Variants in VANGL1 observed in about 807,000 individuals in gnomAD.
The protein encoded by VANGL1 is vang-like protein 1.
VANGL1 carries 18 observed loss-of-function variants against 48.4 expected under a neutral mutation model. That is an observed-to-expected ratio of 0.37 (90% CI 0.26 to 0.55). VANGL1 has a LOEUF of 0.55. Among genes scored for constraint, VANGL1 ranks in the 20% least tolerant of loss-of-function variants. The pLI, the probability that VANGL1 is intolerant of heterozygous loss-of-function variation, is 0.81. For synonymous variants in VANGL1, 257 were observed against 261.8 expected, an observed-to-expected ratio of 0.98 and a Z score of 0.18; for missense variants, 667 against 675.8, an observed-to-expected ratio of 0.99 and a Z score of 0.14.
chr1:115,650,513 A>T (rs1263285259), intron 1 of VANGL1, among the ~76,000 whole-genome samples: 1 of 152,186 alleles, frequency 6.6e-6, no homozygotes, highest in Non-Finnish European at 1.5e-5. Context: ...CCTTTTAAAA[A>T]TCTTTGTCCT....
chr1:115,646,493 C>CT (rs34575210), intron 1 of VANGL1, among the ~76,000 whole-genome samples: 21,369 of 128,574 alleles, frequency 0.17, 2,279 homozygotes, highest in South Asian at 0.32. Flanking sequence ...AGTAGTATAG[C>CT]TTTTTTTTTT....
At chr1:115,650,698 G>A (rs1320720252) in intron 1 of VANGL1, among the ~76,000 whole-genome samples, 3 of 151,832 alleles carry the variant, frequency 2.0e-5, no homozygotes, top group East Asian at 3.9e-4. Context: ...ACCTATTCCT[G>A]TATTCTGGGG....
chr1:115,680,533 G>A (rs547322735), intron 4 of VANGL1, among the ~76,000 whole-genome samples: 3 of 152,294 alleles, frequency 2.0e-5, no homozygotes, highest in East Asian at 1.9e-4. Flanking sequence ...TGGTCTCACC[G>A]GATTTCCCCT....
intron 4 of VANGL1, among the ~76,000 whole-genome samples, chr1:115,680,760 ATAGTT>A (rs10607718): frequency 0.36 from 55,072 of 151,714 alleles, 10,030 homozygotes; most frequent in Admixed American, 0.41. Context: ...TTTCCAGTGG[ATAGTT>A]TAGGAGCTCC....
intron 4 of VANGL1, among the ~76,000 whole-genome samples, chr1:115,681,277 A>G (rs1489682953): frequency 6.6e-6 from 1 of 152,106 alleles, no homozygotes; most frequent in African/African-American, 2.4e-5. Flanking sequence ...CTCATTTCCA[A>G]TTATAAGTAC....
intron 2 of VANGL1, among the ~76,000 whole-genome samples, chr1:115,656,136 G>C (rs754807415): frequency 2.0e-5 from 3 of 152,252 alleles, no homozygotes; most frequent in Non-Finnish European, 4.4e-5. Flanking sequence ...TCACTTGACA[G>C]TGGGTGGAAG....
At chr1:115,676,967 A>G (rs1374537876) in intron 4 of VANGL1, among the ~76,000 whole-genome samples, 1 of 152,174 alleles carries the variant, frequency 6.6e-6, no homozygotes, top group Non-Finnish European at 1.5e-5. Context: ...AGAAGTGACT[A>G]ATTTGTTCAA....
Position 115,691,570 on chromosome 1 carries a change from A to G in VANGL1, c.*191A>G, listed in dbSNP as rs982264138. 2 of 627,674 alleles carry G rather than the reference A, an allele frequency of 3.2e-6. No homozygotes were observed. The highest frequency in any genetic ancestry group is 5.2e-6 in the Non-Finnish European group (2 of 384,150). The allele number at this position is 627,674 out of a possible 1,614,324, so 38.9% of individuals were successfully genotyped here. A position where few individuals can be genotyped will look rare whatever the true frequency, so the allele number is the denominator to read the frequency against. On this transcript the variant is annotated 3_prime_UTR_variant, in exon 8 of 8. Coordinates refer to ENST00000355485, the MANE Select transcript of VANGL1 (RefSeq NM_138959.3). ...GCAGGGGCTGTCCACCCTGAAAAAG[A>G]GTGACTGATGACATCTGACTTTTGT...
intron 1 of VANGL1, among the ~76,000 whole-genome samples, chr1:115,648,756 G>A (rs767616815): frequency 6.6e-6 from 1 of 152,234 alleles, no homozygotes; most frequent in Non-Finnish European, 1.5e-5. Context: ...GAAGCACCAA[G>A]CTGGATCTGC....
At chr1:115,649,799 G>A (rs1363266171) in intron 1 of VANGL1, among the ~76,000 whole-genome samples, 3 of 152,340 alleles carry the variant, frequency 2.0e-5, no homozygotes, top group South Asian at 2.1e-4. Flanking sequence ...GAGGTCGGTG[G>A]CTGGTTGGTT....
Position 115,663,893 on chromosome 1 carries a change from G to T in VANGL1, c.437G>T (p.Gly146Val). 1.9e-6 allele frequency: 3 copies of T among 1,614,204 alleles called. No individual in the cohort carries two copies. The highest frequency in any genetic ancestry group is 2.5e-6 in the Non-Finnish European group (3 of 1,180,034). Residue 146 changes from glycine to valine, a missense_variant, in exon 4 of 8, where the codon GGC becomes GTC. By Grantham distance (109) the Gly-to-Val change is moderately radical (BLOSUM62 -3). Transcript: ENST00000355485. ...TGGAGGGATGAGCTGGAGCCTTGTG[G>T]CACAATTTGTGAGGGGCTCTTTATC... ...ILWRDELEPC[G>V]TICEGLFISM...
chr1:115,667,332 C>T (rs929188386), intron 4 of VANGL1, among the ~76,000 whole-genome samples: 2 of 152,154 alleles, frequency 1.3e-5, no homozygotes, highest in Admixed American at 6.5e-5. Flanking sequence ...TGCTTGTTGG[C>T]AGGAATGAAG....
intron 7 of VANGL1, among the ~76,000 whole-genome samples, chr1:115,686,559 AGAGAAGT>A (rs1442646919): frequency 1.3e-5 from 2 of 152,126 alleles, no homozygotes; most frequent in Non-Finnish European, 2.9e-5. Flanking sequence ...ACTTCTCTAC[AGAGAAGT>A]GGGTTCAAAT....
At chr1:115,669,633 C>CGCCA (rs773407952) in intron 4 of VANGL1, among the ~76,000 whole-genome samples, 10 of 151,914 alleles carry the variant, frequency 6.6e-5, no homozygotes, top group Non-Finnish European at 8.8e-5. Flanking sequence ...TCTTCGTTGT[C>CGCCA]TGTAAGATGT....
chr1:115,678,444 A>T (rs150850551), intron 4 of VANGL1, among the ~76,000 whole-genome samples: 34 of 152,300 alleles, frequency 2.2e-4, no homozygotes, highest in Admixed American at 2.0e-4. Context: ...AGCAGTAGTG[A>T]GGGAGAATGT....
Position 115,691,589 on chromosome 1 carries a change from C to A in VANGL1, c.*210C>A. On this transcript the variant is annotated 3_prime_UTR_variant, in exon 8 of 8. Coordinates refer to ENST00000355485, the MANE Select transcript of VANGL1 (RefSeq NM_138959.3). Reference sequence around the variant, plus strand: ...AAAAAGAGTGACTGATGACATCTGACTTTTGTCGATGGGACTTCTCAAGAA... The same window carrying A: ...AAAAAGAGTGACTGATGACATCTGAATTTTGTCGATGGGACTTCTCAAGAA... 1 of 562,444 alleles carries A rather than the reference C, an allele frequency of 1.8e-6. No homozygotes were observed. Among genetic ancestry groups the A allele is most frequent in the Non-Finnish European group, 3.0e-6 (1 of 337,590 alleles). 34.8% of individuals were successfully genotyped at this position (562,444 alleles called of 1,614,324 possible).
Position 115,663,909 on chromosome 1 carries a change from G to C in VANGL1, c.453G>C (p.Gly151=), listed in dbSNP as rs759094384. 1.3e-5 allele frequency: 21 copies of C among 1,614,214 alleles called. 2 individuals carry two copies. In the South Asian group the frequency reaches 2.0e-4, roughly 15 times the overall value. The change falls in exon 4 of 8, where the codon GGG becomes GGC. Residue 151 remains glycine (G), a synonymous_variant. Coordinates refer to ENST00000355485, the MANE Select transcript of VANGL1 (RefSeq NM_138959.3). ...AGCCTTGTGGCACAATTTGTGAGGG[G>C]CTCTTTATCTCCATGGCATTCAAAC... ...ELEPCGTICE[G]LFISMAFKLL...
intron 2 of VANGL1, among the ~76,000 whole-genome samples, chr1:115,653,451 C>T (rs1652228783): frequency 6.6e-6 from 1 of 152,114 alleles, no homozygotes; most frequent in Non-Finnish European, 1.5e-5. Context: ...CTACCAATTC[C>T]CTTGTCAATA....
intron 2 of VANGL1, among the ~76,000 whole-genome samples, chr1:115,658,206 A>T (rs561968627): frequency 6.6e-6 from 1 of 152,334 alleles, no homozygotes; most frequent in African/African-American, 2.4e-5. Context: ...GAATCAGCCA[A>T]TGCTTATCCC....
Sources: allele counts gnomAD v4.1 joint callset (sites outside exome capture counted in the v4.1 genomes callset), GRCh38; gene constraint gnomAD v4.1.1; transcripts MANE v1.5; gene names NCBI Gene and HGNC (gene_info 2026-07-23, HGNC 2026-07-21).